The following SGCD variants were observed in gnomAD, a reference collection of about 807,000 sequenced individuals.
The protein encoded by SGCD is sarcoglycan delta.
Under a neutral mutation model 36.6 loss-of-function variants are expected in SGCD, and 18 were observed. That is an observed-to-expected ratio of 0.49 (90% CI 0.34 to 0.73). The LOEUF (loss-of-function observed/expected upper bound fraction) is 0.73, where lower values mean the gene tolerates loss of function less well. Ranked by LOEUF, SGCD falls within the 30% of genes least tolerant of loss-of-function variation. SGCD has a pLI of 0.01. For missense variants in SGCD, 387 were observed against 346.7 expected (o/e 1.12, Z -0.92); for synonymous variants, 133 against 130.6 (o/e 1.02, Z -0.12).
rs112593933 is a variant in SGCD, at chr5:155,875,838, C to A, written c.-282+5414C>A. 2.8e-3 allele frequency among the ~76,000 whole-genome samples: 420 copies of A among 151,980 alleles called. 1 individual carries two copies. Among genetic ancestry groups the A allele is most frequent in the African/African-American group, 9.6e-3 (396 of 41,444 alleles). ...TGTTGTACAGGTATAATGATGACAC[C>A]TTTTGGAGGACCTGCTAGAGTTGTA... On this transcript the variant is annotated intron_variant, in intron 1 of 9. Transcript: ENST00000517913.
chr5:156,691,206 C>CAAAAAAAAAAAAA lies in SGCD; in HGVS notation c.575+43678_575+43690dup, dbSNP rs58947494. Among the ~76,000 whole-genome samples the CAAAAAAAAAAAAA allele has an allele frequency of 1.6e-4, 10 of 61,854 alleles. 1 individual carries two copies. Among genetic ancestry groups the CAAAAAAAAAAAAA allele is most frequent in the South Asian group, 1.7e-3 (2 of 1,166 alleles). 40.6% of individuals were successfully genotyped at this position (61,854 alleles called of 152,430 possible). On this transcript the variant is annotated intron_variant, in intron 7 of 8. Coordinates refer to ENST00000337851, the MANE Select transcript of SGCD (RefSeq NM_000337.6). The stretch of plus-strand genomic sequence containing the variant: ...TGGGCAACAGAGCGAGACTCTGTCT[C>CAAAAAAAAAAAAA]AAAAAAAAAAAAAAAAAAAAGAGAG...
chr5:156,464,939 A>G (rs113114426), intron 3 of SGCD, among the ~76,000 whole-genome samples: 2 of 152,150 alleles, frequency 1.3e-5, no homozygotes, highest in African/African-American at 2.4e-5. Context: ...GCATTTTTCT[A>G]TAGTTGAACC....
chr5:155,931,285 G>A (rs895898692), intron 1 of SGCD, among the ~76,000 whole-genome samples: 2 of 151,990 alleles, frequency 1.3e-5, no homozygotes, highest in East Asian at 3.9e-4. Flanking sequence ...GTTCCATTGG[G>A]GGTTATAAGA....
At chr5:156,329,327 G>A (rs547266976) in intron 1 of SGCD, among the ~76,000 whole-genome samples, 4 of 152,316 alleles carry the variant, frequency 2.6e-5, no homozygotes, top group Admixed American at 6.5e-5. Context: ...TTGGACTGGA[G>A]GTGTGCAGAT....
In SGCD at chr5:156,767,662, T is replaced by C. The variant is rs1394167720; in HGVS notation, c.*8272T>C. 6.6e-6 allele frequency: 1 copy of C among 152,206 alleles called. No homozygotes were observed. The highest frequency in any genetic ancestry group is 2.4e-5 in the African/African-American group (1 of 41,450). 9.4% of individuals were successfully genotyped at this position (152,206 alleles called of 1,614,324 possible). A position where few individuals can be genotyped will look rare whatever the true frequency, so the allele number is the denominator to read the frequency against. ...AAAAATTTTGTAAGCATTTCAATAA[T>C]GCTATGAATTACAAGGAACTATTTT... On this transcript the variant is annotated 3_prime_UTR_variant, in exon 9 of 9. Transcript: ENST00000337851.
At chr5:156,038,472 C>A (rs1759554135) in intron 1 of SGCD, among the ~76,000 whole-genome samples, 1 of 152,116 alleles carries the variant, frequency 6.6e-6, no homozygotes. Context: ...TTCATGAATG[C>A]ACCATGGCTA....
Position 156,067,796 on chromosome 5 carries a change from G to A in SGCD, c.-281-50082G>A, listed in dbSNP as rs866124860. Among the ~76,000 whole-genome samples, 270 of 138,032 alleles carry A rather than the reference G, an allele frequency of 2.0e-3. 38 individuals carry two copies. The highest frequency in any genetic ancestry group is 8.2e-3 in the African/African-American group (248 of 30,288). 90.6% of individuals were successfully genotyped at this position (138,032 alleles called of 152,430 possible). A position where few individuals can be genotyped will look rare whatever the true frequency, so the allele number is the denominator to read the frequency against. ...GTGAGGCAATGCCTCGCTCTGCTTC[G>A]GCTCGCGCACGGTGCGCACACACAC... On this transcript the variant is annotated intron_variant, in intron 1 of 9. Coordinates refer to the SGCD transcript ENST00000517913.
intron 3 of SGCD, among the ~76,000 whole-genome samples, chr5:156,437,988 G>C (rs1753314824): frequency 6.6e-6 from 1 of 152,140 alleles, no homozygotes; most frequent in Non-Finnish European, 1.5e-5. Flanking sequence ...CATTTAGAGG[G>C]ATTGAAGGCT....
chr5:156,742,036 T>C (rs1279893615), intron 7 of SGCD, among the ~76,000 whole-genome samples: 1 of 152,044 alleles, frequency 6.6e-6, no homozygotes, highest in Non-Finnish European at 1.5e-5. Context: ...CCACCACGCC[T>C]GGCTAATTTT....
At chr5:156,396,949 T>G (rs922513783) in intron 3 of SGCD, among the ~76,000 whole-genome samples, 4 of 152,194 alleles carry the variant, frequency 2.6e-5, no homozygotes, top group African/African-American at 9.6e-5. Flanking sequence ...AGCCATTAGG[T>G]CCTACTGCCT....
intron 3 of SGCD, among the ~76,000 whole-genome samples, chr5:156,446,790 T>C (rs1313088777): frequency 1.3e-5 from 2 of 152,158 alleles, no homozygotes; most frequent in Non-Finnish European, 2.9e-5. Context: ...AGGCAAAGAA[T>C]GTGAATCCCA....
At chr5:156,467,987 G>T (rs1169205172) in intron 3 of SGCD, among the ~76,000 whole-genome samples, 2 of 152,140 alleles carry the variant, frequency 1.3e-5, no homozygotes, top group Non-Finnish European at 2.9e-5. Context: ...TTTGCTGCTT[G>T]CTCACTCTGC....
intron 1 of SGCD, among the ~76,000 whole-genome samples, chr5:155,991,812 C>T (rs374562745): frequency 1.3e-5 from 2 of 152,176 alleles, no homozygotes; most frequent in Non-Finnish European, 2.9e-5. Context: ...ACTATTATTA[C>T]TTAAGGCGAA....
chr5:156,413,747 T>C (rs1772889762), intron 3 of SGCD, among the ~76,000 whole-genome samples: 2 of 152,250 alleles, frequency 1.3e-5, no homozygotes, highest in African/African-American at 4.8e-5. Flanking sequence ...CTTCCCAGCA[T>C]GTAAAACAAA....
chr5:156,622,549 T>C (rs1274181785), intron 6 of SGCD, among the ~76,000 whole-genome samples: 1 of 151,346 alleles, frequency 6.6e-6, no homozygotes, highest in Non-Finnish European at 1.5e-5. Context: ...GATTTTTTTT[T>C]TGTAAAAAAG....
At chr5:156,621,495 G>A (rs62380869) in intron 6 of SGCD, among the ~76,000 whole-genome samples, 1 of 150,628 alleles carries the variant, frequency 6.6e-6, no homozygotes, top group Non-Finnish European at 1.5e-5. Flanking sequence ...CCAGCCAAAA[G>A]ACAGATGTTT....
chr5:155,930,088 T>A (rs1037444339), intron 1 of SGCD, among the ~76,000 whole-genome samples: 19 of 152,194 alleles, frequency 1.2e-4, no homozygotes, highest in African/African-American at 4.3e-4. Context: ...GTGATACATA[T>A]GTCTTCCCTA....
At chr5:156,128,630 C>A (rs1762237699) in intron 3 of SGCD, among the ~76,000 whole-genome samples, 2 of 151,996 alleles carry the variant, frequency 1.3e-5, no homozygotes, top group African/African-American at 2.4e-5. Context: ...GGTGGTTTCC[C>A]CCATGCTTTT....
intron 7 of SGCD, among the ~76,000 whole-genome samples, chr5:156,682,024 T>C (rs1247215641): frequency 6.6e-6 from 1 of 152,208 alleles, no homozygotes; most frequent in Non-Finnish European, 1.5e-5. Context: ...TCTCAGCCAC[T>C]GGATTTAATG....
Sources: gnomAD v4.1 joint callset for allele counts (sites outside exome capture counted in the v4.1 genomes callset) on GRCh38, gnomAD v4.1.1 for gene constraint, MANE v1.5 for transcripts, NCBI Gene and HGNC (gene_info 2026-07-23, HGNC 2026-07-21) for gene names.